PHACTR3: variants seen among roughly 807,000 people sequenced by gnomAD.
The protein encoded by PHACTR3 is protein phosphatase 1, regulatory subunit 123.
Under a neutral mutation model 66.8 loss-of-function variants are expected in PHACTR3, and 16 were observed. The observed-to-expected ratio is 0.24, with a 90% CI of 0.16 to 0.36. PHACTR3 has a LOEUF of 0.36. Among genes scored for constraint, PHACTR3 ranks in the 10% least tolerant of loss-of-function variants. PHACTR3 has a pLI of 1.00. For synonymous variants in PHACTR3, 323 were observed against 292.1 expected, an observed-to-expected ratio of 1.11 and a Z score of -1.08; for missense variants, 647 against 719.9, an observed-to-expected ratio of 0.90 and a Z score of 1.16.
At chr20:59,648,134 T>G (rs2035345496) in intron 1 of PHACTR3, among the ~76,000 whole-genome samples, 1 of 152,204 alleles carries the variant, frequency 6.6e-6, no homozygotes, top group Non-Finnish European at 1.5e-5. Flanking sequence ...CGTTTTGTGA[T>G]TAGTCCAGGG....
At chr20:59,668,524 A>C (rs934431114) in intron 1 of PHACTR3, among the ~76,000 whole-genome samples, 17 of 152,084 alleles carry the variant, frequency 1.1e-4, no homozygotes, top group African/African-American at 3.4e-4. Context: ...TGTCATTTCA[A>C]TTTGTTTCCT....
intron 1 of PHACTR3, among the ~76,000 whole-genome samples, chr20:59,590,679 C>CTT (rs1366178173): frequency 1.3e-5 from 2 of 152,176 alleles, no homozygotes; most frequent in Non-Finnish European, 2.9e-5. Context: ...GCTACAACAA[C>CTT]AAAATATCTT....
rs563383151 is a variant in PHACTR3 at position 59,625,256 on chromosome 20, C to A, written c.118+20124C>A. On this transcript the variant is annotated intron_variant, in intron 1 of 12. Transcript: ENST00000371015. ...TCTGATAGCTAGAGGCCTCAGTTGA[C>A]CCTGAGGCAGGCCCCATTCCTGTTA... is the stretch of plus-strand genomic sequence containing the variant. Among the ~76,000 whole-genome samples, 11 of 152,098 alleles carry A rather than the reference C, an allele frequency of 7.2e-5. No individual in the cohort carries two copies. The East Asian group carries it at 1.6e-3, about 22-fold the overall frequency.
At chr20:59,721,235 C>T (rs548286581) in intron 1 of PHACTR3, 2 of 152,398 alleles carry the variant, frequency 1.3e-5, no homozygotes, top group East Asian at 3.9e-4. Context: ...CATTCTGGCT[C>T]ATGGGGCCCA....
chr20:59,641,830 A>G (rs183734121), intron 1 of PHACTR3, among the ~76,000 whole-genome samples: 5 of 152,324 alleles, frequency 3.3e-5, no homozygotes, highest in Admixed American at 6.5e-5. Context: ...GTGGTTTCCA[A>G]TGTTTCTGTA....
At position 59,733,889 on chromosome 20, in the gene PHACTR3, A is replaced by C. The variant is rs576702220; in HGVS notation, c.119-9218A>C. ...GCTTCCGTTGCTGATGACAGTGATG[A>C]CAAAAACAAACCTTCGTATTCCTTG... On this transcript the variant is annotated intron_variant, in intron 1 of 12. Coordinates refer to ENST00000371015, the MANE Select transcript of PHACTR3 (RefSeq NM_080672.5). 4.6e-5 allele frequency among the ~76,000 whole-genome samples: 7 copies of C among 152,230 alleles called. No homozygotes were observed. The South Asian group carries it at 1.0e-3, about 23-fold the overall frequency.
chr20:59,602,136 C>A (rs1342067789), upstream of PHACTR3, among the ~76,000 whole-genome samples: 1 of 152,184 alleles, frequency 6.6e-6, no homozygotes, highest in Non-Finnish European at 1.5e-5. Context: ...TCCTCTCTCA[C>A]CCTTGGGCCC....
At chr20:59,632,092 G>A (rs1041011700) in intron 1 of PHACTR3, among the ~76,000 whole-genome samples, 4 of 152,130 alleles carry the variant, frequency 2.6e-5, no homozygotes, top group Admixed American at 1.3e-4. Flanking sequence ...TGTGGCTGGC[G>A]GCCTCTCGTC....
At chr20:59,813,398 A>G (rs1344292571) in intron 8 of PHACTR3, among the ~76,000 whole-genome samples, 2 of 152,138 alleles carry the variant, frequency 1.3e-5, no homozygotes, top group East Asian at 3.9e-4. Context: ...ATTTGAAATT[A>G]CCTACAGGGG....
chr20:59,592,077 G>GA (rs1371175010), intron 1 of PHACTR3, among the ~76,000 whole-genome samples: 16 of 152,006 alleles, frequency 1.1e-4, no homozygotes, highest in Non-Finnish European at 1.8e-4. Flanking sequence ...CCCATTCTGT[G>GA]TATGCTCCCG....
chr20:59,605,152 CGG>C lies in PHACTR3; in HGVS notation c.118+21_118+22del. The stretch of plus-strand genomic sequence containing the variant: ...ACCCAGGTAACGGGCTGGGCGGGGG[CGG>C]CGGGCGGGTCGGGGAGGCCCGAGGC... On this transcript the variant is annotated intron_variant, in intron 1 of 12. Transcript: ENST00000371015. 3.8e-6 allele frequency: 1 copy of C among 262,398 alleles called. No individual in the cohort carries two copies. The highest frequency in any genetic ancestry group is 7.0e-6 in the Non-Finnish European group (1 of 142,320). 16.3% of individuals were successfully genotyped at this position (262,398 alleles called of 1,614,324 possible).
At chr20:59,844,719 C>G (rs1014643633) in intron 11 of PHACTR3, 7 of 151,978 alleles carry the variant, frequency 4.6e-5, no homozygotes, top group African/African-American at 1.7e-4. Flanking sequence ...GGTTGGTTAA[C>G]CAGTAGTAAC....
upstream of PHACTR3, among the ~76,000 whole-genome samples, chr20:59,602,482 T>C (rs529000514): frequency 3.4e-5 from 5 of 149,064 alleles, no homozygotes; most frequent in East Asian, 1.9e-4. Flanking sequence ...AGAAAAAATA[T>C]GTTTAAGTGC....
At chr20:59,831,937 T>A (rs1600737406) in intron 8 of PHACTR3, among the ~76,000 whole-genome samples, 1 of 152,196 alleles carries the variant, frequency 6.6e-6, no homozygotes, top group East Asian at 1.9e-4. Flanking sequence ...CCTAGAAAAT[T>A]TCCTGGGCCA....
chr20:59,681,946 G>C (rs147559378), intron 1 of PHACTR3, among the ~76,000 whole-genome samples: 2,616 of 152,140 alleles, frequency 0.017, 93 homozygotes, highest in African/African-American at 0.059. Context: ...GGGGGTGGAG[G>C]TTGCGGTGAG....
chr20:59,596,434 G>A (rs1600882085), intron 1 of PHACTR3, among the ~76,000 whole-genome samples: 1 of 152,306 alleles, frequency 6.6e-6, no homozygotes, highest in Admixed American at 6.5e-5. Flanking sequence ...GAGCCACCAT[G>A]CCTGGCCCTG....
chr20:59,584,980 T>C (rs565811246), intron 1 of PHACTR3, among the ~76,000 whole-genome samples: 1 of 152,038 alleles, frequency 6.6e-6, no homozygotes, highest in South Asian at 2.1e-4. Flanking sequence ...AAATATTGCA[T>C]TCTGAGACAC....
chr20:59,633,612 G>A (rs775130735), intron 1 of PHACTR3, among the ~76,000 whole-genome samples: 2 of 152,098 alleles, frequency 1.3e-5, no homozygotes, highest in Admixed American at 6.5e-5. Context: ...TATGTATCCC[G>A]CTTTTCTTTT....
chr20:59,621,440 CCA>C (rs1263452170), intron 1 of PHACTR3, among the ~76,000 whole-genome samples: 2 of 152,242 alleles, frequency 1.3e-5, no homozygotes, highest in African/African-American at 4.8e-5. Flanking sequence ...TGGGGACTGT[CCA>C]CAGTGTCAGG....
Sources: gnomAD v4.1 joint callset for allele counts (sites outside exome capture counted in the v4.1 genomes callset) on GRCh38, gnomAD v4.1.1 for gene constraint, MANE v1.5 for transcripts, NCBI Gene and HGNC (gene_info 2026-07-23, HGNC 2026-07-21) for gene names.